The following B3GALT1 variants were observed in gnomAD, a reference collection of about 807,000 sequenced individuals.
B3GALT1 encodes UDP-Gal:betaGlcNAc beta 1,3-galactosyltransferase, polypeptide 1.
In B3GALT1, 10 loss-of-function variants were observed where a neutral mutation model predicts 23.2. That is an observed-to-expected ratio of 0.43 (90% CI 0.27 to 0.73). The LOEUF is 0.73. B3GALT1 is among the 30% of genes least tolerant of loss of function. The probability of loss-of-function intolerance (pLI) is 0.21; values close to 1 mark genes in which losing one functional copy is unlikely to be tolerated. For missense variants in B3GALT1, 299 were observed against 405.4 expected, an observed-to-expected ratio of 0.74 and a Z score of 2.25; for synonymous variants, 156 against 141.5, an observed-to-expected ratio of 1.10 and a Z score of -0.73.
intron 1 of B3GALT1, among the ~76,000 whole-genome samples, chr2:167,414,765 C>G (rs777893006): frequency 9.9e-5 from 15 of 152,140 alleles, no homozygotes; most frequent in Non-Finnish European, 1.6e-4. Flanking sequence ...AATAAGTTTG[C>G]AGTAATATGG....
chr2:167,826,248 C>T (rs1047475887), intron 4 of B3GALT1, among the ~76,000 whole-genome samples: 3 of 152,134 alleles, frequency 2.0e-5, no homozygotes, highest in African/African-American at 7.2e-5. Context: ...CTCCACCCTC[C>T]AGGGCTCATG....
chr2:167,756,061 T>G (rs1489526750), intron 3 of B3GALT1, among the ~76,000 whole-genome samples: 3 of 152,162 alleles, frequency 2.0e-5, no homozygotes, highest in Non-Finnish European at 2.9e-5. Context: ...AGCATAATGT[T>G]AGAACTACAT....
At chr2:167,328,956 G>A (rs1314128697) in intron 1 of B3GALT1, among the ~76,000 whole-genome samples, 1 of 151,996 alleles carries the variant, frequency 6.6e-6, no homozygotes, top group Non-Finnish European at 1.5e-5. Context: ...GGGTCTACAG[G>A]GGCGCACCAC....
At chr2:167,407,064 A>G (rs1698292012) in intron 1 of B3GALT1, among the ~76,000 whole-genome samples, 1 of 152,226 alleles carries the variant, frequency 6.6e-6, no homozygotes, top group South Asian at 2.1e-4. Flanking sequence ...CAAATGGAAC[A>G]TTCTTGAGAA....
chr2:167,736,878 G>C (rs1427645392), intron 3 of B3GALT1, among the ~76,000 whole-genome samples: 1 of 152,114 alleles, frequency 6.6e-6, no homozygotes, highest in Non-Finnish European at 1.5e-5. Flanking sequence ...AGGTTGCAGT[G>C]AGCCCAATTT....
intron 3 of B3GALT1, among the ~76,000 whole-genome samples, chr2:167,680,695 A>C (rs1039231369): frequency 6.6e-6 from 1 of 152,246 alleles, no homozygotes; most frequent in Non-Finnish European, 1.5e-5. Flanking sequence ...GGATTTGTCT[A>C]AGCCAAGGCT....
At chr2:167,387,855 A>G (rs1697951058) in intron 1 of B3GALT1, among the ~76,000 whole-genome samples, 1 of 152,258 alleles carries the variant, frequency 6.6e-6, no homozygotes, top group Admixed American at 6.5e-5. Flanking sequence ...TGCATCTGGC[A>G]GAATACAGAC....
chr2:167,777,992 C>A (rs1160748452), intron 3 of B3GALT1, among the ~76,000 whole-genome samples: 1 of 151,950 alleles, frequency 6.6e-6, no homozygotes, highest in Non-Finnish European at 1.5e-5. Flanking sequence ...ATGCACAGGA[C>A]AGCCAGTATC....
intron 2 of B3GALT1, among the ~76,000 whole-genome samples, chr2:167,495,580 G>T (rs533706555): frequency 1.3e-5 from 2 of 152,190 alleles, no homozygotes; most frequent in Admixed American, 1.3e-4. Context: ...TGATCTGCCC[G>T]CCTTGGCCTT....
chr2:167,613,536 A>G (rs1301610091), intron 2 of B3GALT1, among the ~76,000 whole-genome samples: 4 of 151,680 alleles, frequency 2.6e-5, no homozygotes, highest in Non-Finnish European at 5.9e-5. Flanking sequence ...TCCTGTTTAT[A>G]ACGTGAGTTT....
intron 2 of B3GALT1, among the ~76,000 whole-genome samples, chr2:167,630,766 T>C (rs1034759581): frequency 2.6e-5 from 4 of 151,726 alleles, no homozygotes; most frequent in Non-Finnish European, 5.9e-5. Context: ...TTGAAAATTA[T>C]CATAATACAG....
intron 1 of B3GALT1, among the ~76,000 whole-genome samples, chr2:167,437,475 C>G (rs1203909255): frequency 6.6e-6 from 1 of 152,196 alleles, no homozygotes; most frequent in Non-Finnish European, 1.5e-5. Flanking sequence ...GTAGAAATCA[C>G]TGTCAAAAGT....
chr2:167,703,415 T>C (rs1686911723), intron 3 of B3GALT1, among the ~76,000 whole-genome samples: 1 of 152,206 alleles, frequency 6.6e-6, no homozygotes, highest in Non-Finnish European at 1.5e-5. Flanking sequence ...TGACCCATGC[T>C]GAAGTGACTC....
intron 2 of B3GALT1, among the ~76,000 whole-genome samples, chr2:167,533,184 G>T (rs1426872854): frequency 6.6e-6 from 1 of 151,878 alleles, no homozygotes; most frequent in Non-Finnish European, 1.5e-5. Context: ...CCATGTAAAT[G>T]CCCTTAATTT....
intron 1 of B3GALT1, among the ~76,000 whole-genome samples, chr2:167,357,104 C>G (rs1310869421): frequency 6.6e-6 from 1 of 151,950 alleles, no homozygotes; most frequent in African/African-American, 2.4e-5. Context: ...CTAGTGCTTT[C>G]TAGAACTTGT....
chr2:167,715,746 C>T, intron 3 of B3GALT1: 1 of 1,613,130 alleles, frequency 6.2e-7, no homozygotes, highest in Non-Finnish European at 8.5e-7. Flanking sequence ...GACTGTACTT[C>T]ATAGCCTTCA....
At chr2:167,648,884 C>T (rs1445242027) in intron 3 of B3GALT1, among the ~76,000 whole-genome samples, 1 of 151,988 alleles carries the variant, frequency 6.6e-6, no homozygotes, top group South Asian at 2.1e-4. Flanking sequence ...TCCTTTTAAC[C>T]TCCATTAACC....
At chr2:167,366,171 C>T (rs1443053243) in intron 1 of B3GALT1, among the ~76,000 whole-genome samples, 1 of 152,118 alleles carries the variant, frequency 6.6e-6, no homozygotes, top group Non-Finnish European at 1.5e-5. Context: ...TATAGCAACA[C>T]TTGGTTTATG....
intron 1 of B3GALT1, among the ~76,000 whole-genome samples, chr2:167,431,158 G>C (rs889459879): frequency 6.6e-6 from 1 of 152,172 alleles, no homozygotes; most frequent in African/African-American, 2.4e-5. Flanking sequence ...AGTCTCGGTT[G>C]AATAATCATC....
Sources: allele counts gnomAD v4.1 joint callset (sites outside exome capture counted in the v4.1 genomes callset), GRCh38; gene constraint gnomAD v4.1.1; transcripts MANE v1.5; gene names NCBI Gene and HGNC (gene_info 2026-07-23, HGNC 2026-07-21).